The following GBP7 variants were observed in gnomAD, a reference collection of about 807,000 sequenced individuals.
GBP7 encodes the protein guanylate binding protein 7, also known as guanylate-binding protein 7.
In GBP7, 43 loss-of-function variants were observed where a neutral mutation model predicts 61.3. The ratio of observed to expected loss-of-function variants is 0.70; its 90% confidence interval spans 0.55 to 0.91. GBP7 has a LOEUF of 0.91. Ranked by LOEUF, GBP7 falls within the 40% of genes least tolerant of loss-of-function variation. The pLI is 0.00. For synonymous variants in GBP7, 267 were observed against 271.0 expected (o/e 0.99, Z 0.14); for missense variants, 717 against 740.5 (o/e 0.97, Z 0.37).
Position 89,170,364 on chromosome 1 carries a change from A to G in GBP7, c.190+1382T>C, listed in dbSNP as rs370427127. Among the ~76,000 whole-genome samples, 56 of 152,316 alleles carry G rather than the reference A, an allele frequency of 3.7e-4. 6 individuals carry two copies. The highest frequency in any genetic ancestry group is 9.2e-4 in the Admixed American group (14 of 15,300). On this transcript the variant is annotated intron_variant, in intron 2 of 10. Transcript: ENST00000294671. ...CAGAAACGACACTCCTAACAGAATA[A>G]TGCTGGCTCAGCACTTAAAGAATAT... is the stretch of plus-strand genomic sequence containing the variant.
At chr1:89,138,445 A>G (rs1681860989) in intron 9 of GBP7, among the ~76,000 whole-genome samples, 1 of 152,172 alleles carries the variant, frequency 6.6e-6, no homozygotes, top group Non-Finnish European at 1.5e-5. Context: ...CCAAAATAGC[A>G]TGGTGCTGGT....
chr1:89,152,428 T>G lies in GBP7; in HGVS notation c.465A>C (p.Lys155Asn). The G allele has an allele frequency of 1.9e-6, 3 of 1,614,116 alleles. No individual in the cohort carries two copies. The highest frequency in any genetic ancestry group is 2.2e-5 in the South Asian group (2 of 91,078). Residue 155 changes from lysine (K) to asparagine (N), a missense_variant, in exon 5 of 11, where the codon AAA becomes AAC. Lys to Asn is a moderately conservative substitution (Grantham distance 94). Coordinates refer to ENST00000294671, the MANE Select transcript of GBP7 (RefSeq NM_207398.3). ...VTELTELIRAKSCPRPDEVED... is the reference protein window; with the variant it reads ...VTELTELIRANSCPRPDEVED... ...CAACTTCATCAGGTCTGGGGCACGA[T>G]TTTGCCCTGATTAGCTCTGTTAGCT...
chr1:89,165,156 C>T lies in GBP7; in HGVS notation c.191-298G>A, dbSNP rs540892635. On this transcript the variant is annotated intron_variant, in intron 2 of 10. Coordinates refer to ENST00000294671, the MANE Select transcript of GBP7 (RefSeq NM_207398.3). ...TAGTCCCTCCAATCCTCCTTTCATACGTTGGAACTTCAGTGAAGTCTGAAA... is the reference window on the plus strand; with the variant it reads ...TAGTCCCTCCAATCCTCCTTTCATATGTTGGAACTTCAGTGAAGTCTGAAA... Among the ~76,000 whole-genome samples, 9 of 152,266 alleles carry T rather than the reference C, an allele frequency of 5.9e-5. No individual in the cohort carries two copies. The South Asian group carries it at 8.3e-4, about 14-fold the overall frequency.
chr1:89,141,693 C>T (rs765672792), intron 8 of GBP7, 45 bp from the exon 9 acceptor site: 1 of 1,482,514 alleles, frequency 6.7e-7, no homozygotes, highest in East Asian at 2.3e-5. Context: ...CAGCAGAAAT[C>T]TTGTCTTGTG....
intron 1 of GBP7, among the ~76,000 whole-genome samples, chr1:89,174,917 G>A (rs986608199): frequency 6.6e-6 from 1 of 152,058 alleles, no homozygotes; most frequent in Non-Finnish European, 1.5e-5. Context: ...CTTGTTTTTT[G>A]TCTGATCTCT....
In GBP7 at chr1:89,133,443, C is replaced by T; in HGVS notation, c.1477G>A (p.Ala493Thr). The T allele has an allele frequency of 6.2e-7, 1 of 1,613,814 alleles. No homozygotes were observed. Among genetic ancestry groups the T allele is most frequent in the Non-Finnish European group, 8.5e-7 (1 of 1,179,916 alleles). Residue 493 changes from alanine to threonine, a missense_variant, in exon 10 of 11, where the codon GCT (alanine) becomes ACT (threonine). Ala to Thr is a moderately conservative substitution (Grantham distance 58). Coordinates refer to ENST00000294671, the MANE Select transcript of GBP7 (RefSeq NM_207398.3). The stretch of plus-strand genomic sequence containing the variant: ...TCCTTTTCAGCTGCCTCCTTCTTAG[C>T]CTGCTTAGCTGTTCCACCGAGGTTT... ...AGEKAIAAKQ[A>T]KKEAAEKEQE...
intron 8 of GBP7, among the ~76,000 whole-genome samples, chr1:89,147,171 A>G (rs1005819456): frequency 2.0e-5 from 3 of 152,142 alleles, no homozygotes; most frequent in African/African-American, 7.2e-5. Context: ...TATCACCCCT[A>G]TCAATGTATA....
intron 9 of GBP7, among the ~76,000 whole-genome samples, chr1:89,141,239 T>G (rs1479396154): frequency 6.6e-6 from 1 of 151,652 alleles, no homozygotes; most frequent in Non-Finnish European, 1.5e-5. Context: ...AACAGTCTTG[T>G]CTGAGTTCTA....
chr1:89,136,528 C>T (rs1390136909), intron 9 of GBP7, among the ~76,000 whole-genome samples: 1 of 151,986 alleles, frequency 6.6e-6, no homozygotes, highest in Non-Finnish European at 1.5e-5. Flanking sequence ...TATACAATTA[C>T]ATGAAAATTA....
intron 9 of GBP7, among the ~76,000 whole-genome samples, chr1:89,135,975 C>T (rs1681792227): frequency 6.6e-6 from 1 of 152,074 alleles, no homozygotes; most frequent in African/African-American, 2.4e-5. Flanking sequence ...AAAAATCTAT[C>T]AAGCAAATGG....
intron 2 of GBP7, among the ~76,000 whole-genome samples, chr1:89,167,185 C>A (rs1300774309): frequency 6.6e-6 from 1 of 152,186 alleles, no homozygotes; most frequent in Non-Finnish European, 1.5e-5. Flanking sequence ...GCCCCTGAAA[C>A]CATGCATGGT....
At chr1:89,146,448 T>C (rs1218846334) in intron 8 of GBP7, among the ~76,000 whole-genome samples, 2 of 151,942 alleles carry the variant, frequency 1.3e-5, no homozygotes, top group East Asian at 3.9e-4. Context: ...CAAACTAAGT[T>C]ACCACTCAAT....
At position 89,150,576 on chromosome 1, in the gene GBP7, C is replaced by T. The variant is rs201782379; in HGVS notation, c.626-1G>A. The T allele has an allele frequency of 8.4e-5, 136 of 1,613,056 alleles. No homozygotes were observed. In the East Asian group the frequency reaches 3.0e-3, roughly 36 times the overall value. ...GAATTTTGGATTTGGGGATTCTTGC[C>T]TGCAGAATTAGTGAAAAAGTGACTA... is the stretch of plus-strand genomic sequence containing the variant. On this transcript the variant is annotated splice_acceptor_variant, in intron 5 of 10. Transcript: ENST00000294671. LOFTEE classifies it high-confidence loss of function.
chr1:89,163,308 C>A (rs1280173691), intron 3 of GBP7, among the ~76,000 whole-genome samples: 1 of 151,748 alleles, frequency 6.6e-6, no homozygotes, highest in African/African-American at 2.4e-5. Flanking sequence ...GCCTCCTCCT[C>A]AATTTTTTGG....
intron 8 of GBP7, among the ~76,000 whole-genome samples, chr1:89,146,680 A>T (rs1320703142): frequency 6.6e-6 from 1 of 152,218 alleles, no homozygotes; most frequent in Non-Finnish European, 1.5e-5. Flanking sequence ...GCCATCAAGT[A>T]TGTGAAAGCA....
rs769494068 is a variant in GBP7, at chr1:89,133,423, T to G, written c.1497A>C (p.Glu499Asp). ...AAKQAKKEAA[E>D]KEQELLRQKQ... ...TTTGTCTTAGCAGCTCCTGTTCCTT[T>G]TCAGCTGCCTCCTTCTTAGCCTGCT... Residue 499 changes from glutamate to aspartate, a missense_variant, in exon 10 of 11, where the codon GAA becomes GAC. By Grantham distance (45) the Glu-to-Asp change is conservative. Coordinates refer to ENST00000294671, the MANE Select transcript of GBP7 (RefSeq NM_207398.3). 25 of 1,610,436 alleles carry G rather than the reference T, an allele frequency of 1.6e-5. No homozygotes were observed. Among genetic ancestry groups the G allele is most frequent in the Non-Finnish European group, 2.0e-5 (24 of 1,178,390 alleles).
chr1:89,157,405 A>G (rs139210038), intron 3 of GBP7, among the ~76,000 whole-genome samples: 1,716 of 152,320 alleles, frequency 0.011, 29 homozygotes, highest in African/African-American at 0.039. Flanking sequence ...CAAAAAATCA[A>G]TGAATCAAGG....
At position 89,171,945 on chromosome 1, in the gene GBP7, G is replaced by A. The variant is rs374117940; in HGVS notation, c.-10C>T. On this transcript the variant is annotated 5_prime_UTR_variant, in exon 2 of 11. The change creates a new upstream start codon in the 5' untranslated region. Coordinates refer to ENST00000294671, the MANE Select transcript of GBP7 (RefSeq NM_207398.3). ...GGATCTCTGATGCCATGTTCAGGGC[G>A]TTCCTCTGTCTGCAAGGAAAAAATG... 20 of 1,604,120 alleles carry A rather than the reference G, an allele frequency of 1.2e-5. No homozygotes were observed. In the African/African-American group the frequency reaches 1.5e-4, roughly 12 times the overall value.
At chr1:89,150,697 G>A (rs1477221912) in intron 5 of GBP7, 122 bp from the exon 6 acceptor site, 7 of 1,008,136 alleles carry the variant, frequency 6.9e-6, no homozygotes, top group Non-Finnish European at 1.0e-5. Context: ...TCTACTCTAT[G>A]TAATCAAACC....
Sources: allele counts gnomAD v4.1 joint callset (sites outside exome capture counted in the v4.1 genomes callset), GRCh38; gene constraint gnomAD v4.1.1; transcripts MANE v1.5; gene names NCBI Gene and HGNC (gene_info 2026-07-23, HGNC 2026-07-21).